The following DEPDC5 variants were observed in gnomAD, a reference collection of about 807,000 sequenced individuals.
DEPDC5 encodes GATOR1 complex protein DEPDC5.
A neutral mutation model predicts 217.3 loss-of-function variants in DEPDC5; 73 were observed. The observed-to-expected ratio is 0.34, with a 90% CI of 0.28 to 0.41. DEPDC5 has a LOEUF of 0.41. Ranked by LOEUF, DEPDC5 falls within the 10% of genes least tolerant of loss-of-function variation. The pLI is 1.00. For synonymous variants in DEPDC5, 733 were observed against 756.7 expected (o/e 0.97, Z 0.51); for missense variants, 1,675 against 2,070.1 (o/e 0.81, Z 3.70).
intron 14 of DEPDC5, among the ~76,000 whole-genome samples, chr22:31,801,269 C>T (rs1379847896): frequency 2.0e-5 from 3 of 151,944 alleles, no homozygotes; most frequent in African/African-American, 7.2e-5. Context: ...GCATTCCAGC[C>T]TGGGTGATGG....
chr22:31,861,980 T>C (rs562358334), intron 33 of DEPDC5, among the ~76,000 whole-genome samples: 5 of 152,388 alleles, frequency 3.3e-5, no homozygotes, highest in African/African-American at 9.6e-5. Context: ...GGCTCACGCC[T>C]GTAATCCCAG....
At chr22:31,824,167 G>A (rs1291302655) in intron 24 of DEPDC5, among the ~76,000 whole-genome samples, 2 of 152,086 alleles carry the variant, frequency 1.3e-5, no homozygotes. Flanking sequence ...CCAACGTGGT[G>A]AAACCCCATC....
At chr22:31,855,111 TGC>T (rs2092227064) in intron 31 of DEPDC5, among the ~76,000 whole-genome samples, 1 of 151,240 alleles carries the variant, frequency 6.6e-6, no homozygotes, top group Non-Finnish European at 1.5e-5. Context: ...ACTACAGACG[TGC>T]GCCACCACGC....
At chr22:31,792,542 G>A (rs1220499743) in intron 11 of DEPDC5, 1 of 407,062 alleles carries the variant, frequency 2.5e-6, no homozygotes, top group African/African-American at 2.2e-5. Context: ...GGAGGTAGAG[G>A]TTGCAGTGAG....
At chr22:31,769,027 A>C (rs1270241587) in intron 7 of DEPDC5, 164 bp downstream of exon 7, 2 of 769,194 alleles carry the variant, frequency 2.6e-6, no homozygotes, top group Admixed American at 4.7e-5. Context: ...TTGGGAGGCC[A>C]AGGTGGGCGG....
chr22:31,781,408 G>T (rs2084425768), intron 8 of DEPDC5, among the ~76,000 whole-genome samples: 1 of 151,630 alleles, frequency 6.6e-6, no homozygotes. Flanking sequence ...ACACCAATCA[G>T]AAAAACATGA....
intron 24 of DEPDC5, among the ~76,000 whole-genome samples, chr22:31,832,883 T>G (rs2090709031): frequency 6.6e-6 from 1 of 152,226 alleles, no homozygotes; most frequent in South Asian, 2.1e-4. Flanking sequence ...TTTCAAAGCT[T>G]TCACAAGAAA....
intron 19 of DEPDC5, among the ~76,000 whole-genome samples, chr22:31,810,062 C>T (rs992861897): frequency 2.6e-5 from 4 of 152,182 alleles, no homozygotes; most frequent in Non-Finnish European, 5.9e-5. Flanking sequence ...GTCAGGAGAC[C>T]TGAGTTCCCT....
At chr22:31,815,764 C>T (rs1200213520) in intron 21 of DEPDC5, 5 of 1,189,988 alleles carry the variant, frequency 4.2e-6, no homozygotes, top group African/African-American at 1.6e-5. Flanking sequence ...CTCCTGGACT[C>T]GAGGGATCCA....
At chr22:31,871,800 C>G (rs1384300016) in intron 34 of DEPDC5, among the ~76,000 whole-genome samples, 1 of 152,150 alleles carries the variant, frequency 6.6e-6, no homozygotes, top group Non-Finnish European at 1.5e-5. Context: ...CTGAAAAATA[C>G]AGAGAACAGA....
At chr22:31,777,381 G>A (rs11089525) in intron 7 of DEPDC5, among the ~76,000 whole-genome samples, 24,644 of 150,558 alleles carry the variant, frequency 0.16, 2,962 homozygotes, top group African/African-American at 0.35. Context: ...CTGCCTCAGC[G>A]TCCTGAGTAG....
intron 2 of DEPDC5, 195 bp downstream of exon 2, chr22:31,755,174 A>G (rs1324134552): frequency 1.8e-6 from 1 of 548,344 alleles, no homozygotes; most frequent in South Asian, 2.8e-5. Flanking sequence ...TCAGACTTTT[A>G]AGGAACATTG....
At position 31,879,695 on chromosome 22, in the gene DEPDC5, A is replaced by C; in HGVS notation, c.3976A>C (p.Arg1326=). The stretch of plus-strand genomic sequence containing the variant: ...TAGCCGGCCAGCCTCCTATGCAAGT[A>C]GGCACAGCTCCTTTAGCCGAAGTTT... ...LPSRPASYAS[R]HSSFSRSFGG... is the part of the protein sequence containing the mutation. Residue 1326 remains arginine, a synonymous_variant, in exon 38 of 43, where the codon AGG becomes CGG. Transcript: ENST00000651528. 2 of 1,614,180 alleles carry C rather than the reference A, an allele frequency of 1.2e-6. No homozygotes were observed. The highest frequency in any genetic ancestry group is 1.7e-6 in the Non-Finnish European group (2 of 1,180,028).
At chr22:31,798,965 C>T (rs2086562403) in intron 14 of DEPDC5, among the ~76,000 whole-genome samples, 1 of 151,962 alleles carries the variant, frequency 6.6e-6, no homozygotes, top group Non-Finnish European at 1.5e-5. Context: ...GCCGCAAGCA[C>T]TCATGACAAA....
intron 33 of DEPDC5, among the ~76,000 whole-genome samples, chr22:31,863,433 C>G (rs982164819): frequency 2.0e-5 from 3 of 152,226 alleles, no homozygotes; most frequent in Non-Finnish European, 1.5e-5. Context: ...TCTGAAAGTG[C>G]TAGGATTACA....
At chr22:31,846,578 A>C (rs993552612) in intron 30 of DEPDC5, among the ~76,000 whole-genome samples, 11 of 152,200 alleles carry the variant, frequency 7.2e-5, no homozygotes, top group African/African-American at 2.4e-4. Context: ...AATAGGGCTA[A>C]CATTATTTAC....
intron 41 of DEPDC5, among the ~76,000 whole-genome samples, chr22:31,905,213 C>CG (rs2149444045): frequency 6.6e-6 from 1 of 151,940 alleles, no homozygotes; most frequent in Non-Finnish European, 1.5e-5. Flanking sequence ...GATGGAGTCT[C>CG]GCCCTGTCAC....
Position 31,819,122 on chromosome 22 carries a change from T to C in DEPDC5, c.1767T>C (p.Gly589=). ...AATCCATGCTGCATGTTCGACCTGGTGGATACACGCCCCAGAGAGCACTGA... is the reference window on the plus strand; with the variant it reads ...AATCCATGCTGCATGTTCGACCTGGCGGATACACGCCCCAGAGAGCACTGA... ...SAESMLHVRP[G]GYTPQRALIN... The change falls in exon 22 of 43, where the codon GGT becomes GGC. Residue 589 remains glycine (G), a synonymous_variant. Transcript: ENST00000651528. 6.2e-7 allele frequency: 1 copy of C among 1,614,212 alleles called. No individual in the cohort carries two copies. The highest frequency in any genetic ancestry group is 1.1e-5 in the South Asian group (1 of 91,078).
chr22:31,900,148 G>A (rs1425717827), intron 40 of DEPDC5, among the ~76,000 whole-genome samples: 2 of 152,060 alleles, frequency 1.3e-5, no homozygotes, highest in Non-Finnish European at 1.5e-5. Flanking sequence ...CTGGGTTCAA[G>A]TGAGTCTCCT....
Sources: gnomAD v4.1 joint callset for allele counts (sites outside exome capture counted in the v4.1 genomes callset) on GRCh38, gnomAD v4.1.1 for gene constraint, MANE v1.5 for transcripts, NCBI Gene and HGNC (gene_info 2026-07-23, HGNC 2026-07-21) for gene names.